Variants in MKI67 observed in about 807,000 individuals in gnomAD.
MKI67 encodes proliferation marker protein Ki-67.
A neutral mutation model predicts 233.5 loss-of-function variants in MKI67; 152 were observed. The observed-to-expected ratio is 0.65, with a 90% CI of 0.57 to 0.74. The LOEUF is 0.74. MKI67 is among the 30% of genes least tolerant of loss of function. The probability of loss-of-function intolerance (pLI) is 0.00; values close to 1 mark genes in which losing one functional copy is unlikely to be tolerated. For synonymous variants in MKI67, 1,465 were observed against 1,418.5 expected, an observed-to-expected ratio of 1.03 and a Z score of -0.74; for missense variants, 3,940 against 3,885.2, an observed-to-expected ratio of 1.01 and a Z score of -0.37.
At position 128,115,036 on chromosome 10, in the gene MKI67, T is replaced by G; in HGVS notation, c.1372A>C (p.Lys458Gln). Residue 458 changes from lysine to glutamine, a missense_variant, in exon 7 of 15, where the codon AAG becomes CAG. Lys to Gln is a moderately conservative substitution (Grantham distance 53). Coordinates refer to ENST00000368654, the MANE Select transcript of MKI67 (RefSeq NM_002417.5). ...TTCTCAGGCTTGCTGAGGGAATCCT[T>G]TTGGATCTTCCTCTCAACTTGAGTG... ...WLTQVERKIQKDSLSKPEKLG... is the reference protein window; with the variant it reads ...WLTQVERKIQQDSLSKPEKLG... The G allele has an allele frequency of 6.2e-7, 1 of 1,612,990 alleles. No homozygotes were observed. The highest frequency in any genetic ancestry group is 1.1e-5 in the South Asian group (1 of 91,086).
Position 128,103,420 on chromosome 10 carries a change from G to A in MKI67, c.8420C>T (p.Ala2807Val). The A allele has an allele frequency of 6.2e-7, 1 of 1,613,858 alleles. No individual in the cohort carries two copies. The highest frequency in any genetic ancestry group is 8.5e-7 in the Non-Finnish European group (1 of 1,179,928). The change falls in exon 13 of 15, where the codon GCA becomes GTA. Residue 2807 changes from alanine to valine, a missense_variant. By Grantham distance (64) the Ala-to-Val change is moderately conservative. Transcript: ENST00000368654. ...IEDLAGFKDPAAGHTEESMTD... is the reference protein window; with the variant it reads ...IEDLAGFKDPVAGHTEESMTD... ...CATTGATTCTTCAGTGTGACCTGCT[G>A]CTGGGTCTTTGAAGCCAGCTAGGTC...
intron 11 of MKI67, 65 bp from the exon 12 acceptor site, chr10:128,110,598 C>A: frequency 7.6e-7 from 1 of 1,321,772 alleles, no homozygotes; most frequent in Non-Finnish European, 1.0e-6. Context: ...CCATCCCAGC[C>A]CTCACATGTA....
Position 128,111,819 on chromosome 10 carries a change from G to A in MKI67, c.2089-3C>T. ...CTGTGAACTTCGCCCACAGGCTTCT[G>A]TAGAAAACAGGAAGGAGGTAAACAG... On this transcript the variant is annotated splice_region_variant and splice_polypyrimidine_tract_variant and intron_variant, in intron 10 of 14. Transcript: ENST00000368654. The A allele has an allele frequency of 6.2e-7, 1 of 1,612,122 alleles. No individual in the cohort carries two copies. Among genetic ancestry groups the A allele is most frequent in the East Asian group, 2.2e-5 (1 of 44,880 alleles).
rs753661651 is a variant in MKI67, at chr10:128,103,130, G to A, written c.8710C>T (p.Gln2904Ter). 5 of 1,613,820 alleles carry A rather than the reference G, an allele frequency of 3.1e-6. No homozygotes were observed. The highest frequency in any genetic ancestry group is 2.7e-5 in the African/African-American group (2 of 74,824). Residue 2904 changes from glutamine to a stop codon, truncating the protein, a stop_gained, in exon 13 of 15, where the codon CAG becomes TAG. Transcript: ENST00000368654. LOFTEE classifies it high-confidence loss of function. Reference protein sequence around the residue: ...DAEDVIGSRRQPRAPKEKAQP... With the variant: ...DAEDVIGSRR ...GCCTTTTCCTTAGGTGCTCTTGGCT[G>A]TCTCCTGCTGCCAATTACATCTTCT...
Position 128,101,718 on chromosome 10 carries a change from A to T in MKI67, c.9262-17T>A, listed in dbSNP as rs780689056. 6.4e-7 allele frequency: 1 copy of T among 1,551,374 alleles called. No homozygotes were observed. Among genetic ancestry groups the T allele is most frequent in the South Asian group, 1.2e-5 (1 of 81,858 alleles). ...GGATATTCCCTAAAGAAATGAGAAG[A>T]CATCCACAAAATTCCAATAATTAGT... On this transcript the variant is annotated splice_polypyrimidine_tract_variant and intron_variant, in intron 13 of 14. Coordinates refer to ENST00000368654, the MANE Select transcript of MKI67 (RefSeq NM_002417.5).
intron 12 of MKI67, among the ~76,000 whole-genome samples, 156 bp from the exon 13 acceptor site, chr10:128,109,579 G>A (rs546318423): frequency 4.6e-5 from 7 of 152,278 alleles, no homozygotes; most frequent in South Asian, 4.1e-4. Flanking sequence ...TGTCTTATAA[G>A]AGCCATGCAC....
chr10:128,107,648 T>G lies in MKI67; in HGVS notation c.4192A>C (p.Arg1398=). The G allele has an allele frequency of 1.2e-6, 2 of 1,614,030 alleles. No homozygotes were observed. ...RRQPKTPLEK[R]DVQKELSALK... Reference sequence around the variant, plus strand: ...GCTGAGAGCTCCTTCTGTACGTCCCTTTTCTCCAAAGGTGTCTTGGGCTGC... The same window carrying G: ...GCTGAGAGCTCCTTCTGTACGTCCCGTTTCTCCAAAGGTGTCTTGGGCTGC... The change falls in exon 13 of 15, where the codon AGG becomes CGG. Residue 1398 remains arginine, a synonymous_variant. Transcript: ENST00000368654.
chr10:128,116,394 A>G, intron 6 of MKI67, 97 bp downstream of exon 6: 1 of 1,093,738 alleles, frequency 9.1e-7, no homozygotes, highest in South Asian at 1.3e-5. Context: ...CAGGCTAGAC[A>G]TTTAGCACTT....
chr10:128,107,579 C>CTG lies in MKI67; in HGVS notation c.4259_4260dup (p.Asp1421GlnfsTer29). On this transcript the variant is annotated frameshift_variant, in exon 13 of 15. Transcript: ENST00000368654. LOFTEE classifies it high-confidence loss of function. ...TTATCCTCACCTCCTGGTACTTTAT[C>CTG]TGTGTGTGTGGTTTCCCCTGATGTC... 3 of 1,614,036 alleles carry CTG rather than the reference C, an allele frequency of 1.9e-6. No homozygotes were observed. Among genetic ancestry groups the CTG allele is most frequent in the Non-Finnish European group, 2.5e-6 (3 of 1,180,020 alleles).
In MKI67 at chr10:128,097,572, A is replaced by G. The variant is rs1223014289; in HGVS notation, c.*1618T>C. The stretch of plus-strand genomic sequence containing the variant: ...CTATGTGAGGTTCATAATTACTACT[A>G]AGTCTAAAGTGTTAGAACAACTTGA... On this transcript the variant is annotated 3_prime_UTR_variant, in exon 15 of 15. Transcript: ENST00000368654. 6.6e-6 allele frequency: 1 copy of G among 152,146 alleles called. No individual in the cohort carries two copies. The highest frequency in any genetic ancestry group is 1.5e-5 in the Non-Finnish European group (1 of 68,024). The allele number at this position is 152,146 out of a possible 1,614,324, so 9.4% of individuals were successfully genotyped here. A position where few individuals can be genotyped will look rare whatever the true frequency, so the allele number is the denominator to read the frequency against.
intron 4 of MKI67, among the ~76,000 whole-genome samples, chr10:128,121,594 T>C (rs889540829): frequency 2.1e-5 from 1 of 46,608 alleles, no homozygotes; most frequent in Non-Finnish European, 4.5e-5. Flanking sequence ...ATATAAGTGA[T>C]ATATATAATA....
rs1852544891 is a variant in MKI67, at chr10:128,107,717, A to G, written c.4123T>C (p.Ser1375Pro). Residue 1375 changes from serine to proline, a missense_variant, in exon 13 of 15, where the codon TCT (serine) becomes CCT (proline). Transcript: ENST00000368654. ...GTGTCTGCTGATTCTGGTGGAGAAG[A>G]TTCGCAGGGCATTTTAGTAGTTTTG... ...AGKTTKMPCESSPPESADTPT... is the reference protein window; with the variant it reads ...AGKTTKMPCEPSPPESADTPT... 1 of 1,613,574 alleles carries G rather than the reference A, an allele frequency of 6.2e-7. No individual in the cohort carries two copies. The highest frequency in any genetic ancestry group is 1.3e-5 in the African/African-American group (1 of 74,712).
chr10:128,124,922 G>A (rs112124915), intron 2 of MKI67, among the ~76,000 whole-genome samples: 1 of 76,800 alleles, frequency 1.3e-5, no homozygotes, highest in Admixed American at 1.3e-4. Context: ...GGGTGAGGCC[G>A]GGATGGGGTT....
chr10:128,102,434 C>T, intron 13 of MKI67, 145 bp downstream of exon 13: 1 of 979,074 alleles, frequency 1.0e-6, no homozygotes, highest in Non-Finnish European at 1.5e-6. Context: ...AGATTCTTTA[C>T]CATGGCCTGC....
Position 128,103,392 on chromosome 10 carries a change from A to G in MKI67, c.8448T>C (p.Thr2816=), listed in dbSNP as rs1852390727. The G allele has an allele frequency of 6.2e-7, 1 of 1,613,868 alleles. No homozygotes were observed. ...AGGGTATTTTAGTGGTTTTGTCATC[A>G]GTCATTGATTCTTCAGTGTGACCTG... is the stretch of plus-strand genomic sequence containing the variant. ...PAAGHTEESM[T]DDKTTKIPCK... is the part of the protein sequence containing the mutation. Residue 2816 remains threonine (T), a synonymous_variant, in exon 13 of 15, where the codon ACT becomes ACC. Coordinates refer to ENST00000368654, the MANE Select transcript of MKI67 (RefSeq NM_002417.5).
Position 128,103,589 on chromosome 10 carries a change from C to G in MKI67, c.8251G>C (p.Asp2751His). ...KFTQTSGETT[D>H]ADKEPAGEDK... The stretch of plus-strand genomic sequence containing the variant: ...TCACCTGCTGGTTCTTTGTCTGCAT[C>G]CGTGGTTTCCCCTGATGTTTGTGTG... The change falls in exon 13 of 15, where the codon GAT (aspartate) becomes CAT (histidine). Residue 2751 changes from aspartate to histidine, a missense_variant. Coordinates refer to ENST00000368654, the MANE Select transcript of MKI67 (RefSeq NM_002417.5). The G allele has an allele frequency of 6.2e-7, 1 of 1,614,012 alleles. No homozygotes were observed. Among genetic ancestry groups the G allele is most frequent in the African/African-American group, 1.3e-5 (1 of 74,970 alleles).
intron 1 of MKI67, 97 bp downstream of exon 1, chr10:128,126,002 C>T (rs111396281): frequency 0.078 from 27,352 of 349,774 alleles, 1,204 homozygotes; most frequent in Non-Finnish European, 0.094. Flanking sequence ...GCCCAGGCCG[C>T]GCGTCTGTCC....
At chr10:128,126,013 C>T in intron 1 of MKI67, 86 bp downstream of exon 1, 2 of 325,812 alleles carry the variant, frequency 6.1e-6, no homozygotes, top group Non-Finnish European at 1.2e-5. Flanking sequence ...GCGTCTGTCC[C>T]CTGCCCGTCC....
Position 128,097,214 on chromosome 10 carries a change from T to C in MKI67, c.*1976A>G, listed in dbSNP as rs1047667323. On this transcript the variant is annotated 3_prime_UTR_variant, in exon 15 of 15. Coordinates refer to ENST00000368654, the MANE Select transcript of MKI67 (RefSeq NM_002417.5). ...AGAAGTTACCATACCATGGTGGAAATGGGTGGGTATTTGTTCTCAAATCCA... is the reference window on the plus strand; with the variant it reads ...AGAAGTTACCATACCATGGTGGAAACGGGTGGGTATTTGTTCTCAAATCCA... 1.1e-4 allele frequency: 16 copies of C among 152,138 alleles called. No homozygotes were observed. The highest frequency in any genetic ancestry group is 3.6e-4 in the African/African-American group (15 of 41,422). The allele number at this position is 152,138 out of a possible 1,614,324, so 9.4% of individuals were successfully genotyped here.
Sources: allele counts gnomAD v4.1 joint callset (sites outside exome capture counted in the v4.1 genomes callset), GRCh38; gene constraint gnomAD v4.1.1; transcripts MANE v1.5; gene names NCBI Gene and HGNC (gene_info 2026-07-23, HGNC 2026-07-21).